BAIAP2: variants seen among roughly 807,000 people sequenced by gnomAD.
The protein encoded by BAIAP2 is BAR/IMD domain-containing adapter protein 2.
BAIAP2 carries 18 observed loss-of-function variants against 63.0 expected under a neutral mutation model. The ratio of observed to expected loss-of-function variants is 0.29; its 90% CI spans 0.20 to 0.42. The LOEUF is 0.42. Ranked by LOEUF, BAIAP2 falls within the 10% of genes least tolerant of loss-of-function variation. The pLI is 1.00. For synonymous variants in BAIAP2, 386 were observed against 307.6 expected (o/e 1.25, Z -2.67); for missense variants, 610 against 734.3 (o/e 0.83, Z 1.96).
chr17:81,111,469 G>A (rs931087931), intron 13 of BAIAP2, among the ~76,000 whole-genome samples: 7 of 152,210 alleles, frequency 4.6e-5, no homozygotes, highest in East Asian at 1.9e-4. Flanking sequence ...ACTGGGGACC[G>A]GGCTGTGCTG....
At chr17:81,044,560 G>A (rs553430805) in intron 1 of BAIAP2, among the ~76,000 whole-genome samples, 43 of 152,306 alleles carry the variant, frequency 2.8e-4, no homozygotes, top group African/African-American at 7.5e-4. Flanking sequence ...GCGCGATGCC[G>A]GGGCTTAGAA....
At chr17:81,102,906 C>T (rs1183727541) in intron 7 of BAIAP2, among the ~76,000 whole-genome samples, 2 of 152,238 alleles carry the variant, frequency 1.3e-5, no homozygotes, top group African/African-American at 2.4e-5. Context: ...CAGGCCCGGC[C>T]GGCTCCCAGT....
rs1568140670 is a variant in BAIAP2, at chr17:81,086,556, G to A, written c.465G>A (p.Gln155=). ...AGAGCCAGGGCAGCAAGAATCCTCA[G>A]AAGTACTCGGACAAGGAGCTGCAGG... ...RKKSQGSKNP[Q]KYSDKELQYI... Residue 155 remains glutamine (Q), a synonymous_variant, in exon 6 of 14, where the codon CAG becomes CAA. Coordinates refer to ENST00000428708, the MANE Select transcript of BAIAP2 (RefSeq NM_001144888.2). 1 of 1,613,626 alleles carries A rather than the reference G, an allele frequency of 6.2e-7. No individual in the cohort carries two copies. The highest frequency in any genetic ancestry group is 8.5e-7 in the Non-Finnish European group (1 of 1,180,008).
rs145033094 is a variant in BAIAP2, at chr17:81,110,915, G to A, written c.1535+2406G>A. 147 of 1,613,838 alleles carry A rather than the reference G, an allele frequency of 9.1e-5. No homozygotes were observed. In the African/African-American group the frequency reaches 1.3e-3, roughly 14 times the overall value. ...ACTGAGCCTTGTGTTTCCTTGCAGC[G>A]CCGATGTGGAAGTGGCCAGATTCTG... On this transcript the variant is annotated intron_variant, in intron 13 of 13. Coordinates refer to ENST00000428708, the MANE Select transcript of BAIAP2 (RefSeq NM_001144888.2).
rs1450418017 is a variant in BAIAP2 at position 81,115,869 on chromosome 17, TGGC to T, written c.*31_*33del. Reference sequence around the variant, plus strand: ...CACATCTGCAGTGCTGCCCATCTGGTGGCTTCCCCCGCCCTTCCCATGTAGCCT... The same window carrying T: ...CACATCTGCAGTGCTGCCCATCTGGTTTCCCCCGCCCTTCCCATGTAGCCT... On this transcript the variant is annotated 3_prime_UTR_variant, in exon 14 of 14. Coordinates refer to ENST00000428708, the MANE Select transcript of BAIAP2 (RefSeq NM_001144888.2). The T allele has an allele frequency of 6.2e-7, 1 of 1,612,196 alleles. No individual in the cohort carries two copies. The highest frequency in any genetic ancestry group is 8.5e-7 in the Non-Finnish European group (1 of 1,179,556).
chr17:81,040,824 C>G (rs2046976101), intron 1 of BAIAP2, among the ~76,000 whole-genome samples: 2 of 152,198 alleles, frequency 1.3e-5, no homozygotes, highest in Admixed American at 6.5e-5. Context: ...CTGGCCTAGG[C>G]AGGCTGAGGG....
intron 3 of BAIAP2, chr17:81,076,400 A>C (rs1423268704): frequency 6.6e-6 from 1 of 152,132 alleles, no homozygotes; most frequent in Non-Finnish European, 1.5e-5. Flanking sequence ...GACCTCCCAA[A>C]AGGTCAAGGG....
At chr17:81,049,321 A>G (rs963904837) in intron 1 of BAIAP2, among the ~76,000 whole-genome samples, 1 of 152,116 alleles carries the variant, frequency 6.6e-6, no homozygotes, top group African/African-American at 2.4e-5. Flanking sequence ...GGTCTTGAGG[A>G]TGGCACAGCG....
At chr17:81,101,431 G>A (rs1435761753) in intron 7 of BAIAP2, among the ~76,000 whole-genome samples, 1 of 152,286 alleles carries the variant, frequency 6.6e-6, no homozygotes, top group East Asian at 1.9e-4. Context: ...CATAGTCCAT[G>A]GGTAGGAGTT....
Position 81,106,234 on chromosome 17 carries a change from G to A in BAIAP2, c.1337+88G>A, listed in dbSNP as rs755708858. 2.9e-6 allele frequency: 4 copies of A among 1,383,598 alleles called. No homozygotes were observed. The East Asian group carries it at 1.0e-4, about 35-fold the overall frequency. The allele number at this position is 1,383,598 out of a possible 1,614,324, so 85.7% of individuals were successfully genotyped here. On this transcript the variant is annotated intron_variant, in intron 11 of 13. Coordinates refer to ENST00000428708, the MANE Select transcript of BAIAP2 (RefSeq NM_001144888.2). ...CAGGTCCCTGGGCTTGGATTGCTCG[G>A]CTGGGCTTCCGGCTCCTTGTCTGCT...
At chr17:81,060,186 G>A (rs181378287) in intron 3 of BAIAP2, among the ~76,000 whole-genome samples, 5 of 152,300 alleles carry the variant, frequency 3.3e-5, no homozygotes, top group African/African-American at 1.2e-4. Flanking sequence ...TTGATTGACA[G>A]AATTCACATG....
chr17:81,093,505 G>A (rs1243256088), intron 6 of BAIAP2, among the ~76,000 whole-genome samples: 3 of 152,242 alleles, frequency 2.0e-5, no homozygotes, highest in Admixed American at 6.5e-5. Context: ...CTGGCCGGTC[G>A]TGAGTGAGGA....
intron 3 of BAIAP2, among the ~76,000 whole-genome samples, chr17:81,064,418 C>T (rs917611213): frequency 2.0e-5 from 3 of 152,216 alleles, no homozygotes; most frequent in African/African-American, 7.2e-5. Flanking sequence ...CCCCCTTTCC[C>T]TGCAGAGCCC....
At chr17:81,058,927 G>A (rs928735262) in intron 3 of BAIAP2, among the ~76,000 whole-genome samples, 2 of 152,166 alleles carry the variant, frequency 1.3e-5, no homozygotes, top group African/African-American at 2.4e-5. Context: ...GGGCTGGGGG[G>A]TCGTGGGTTG....
chr17:81,052,532 C>T (rs559413876), intron 1 of BAIAP2, among the ~76,000 whole-genome samples: 1 of 152,346 alleles, frequency 6.6e-6, no homozygotes, highest in East Asian at 1.9e-4. Context: ...TGAGCCCCGG[C>T]GTAGTGCAGA....
At position 81,039,204 on chromosome 17, in the gene BAIAP2, C is replaced by T. The variant is rs900283338; in HGVS notation, c.54+3896C>T. Among the ~76,000 whole-genome samples the T allele has an allele frequency of 2.0e-5, 3 of 152,350 alleles. No individual in the cohort carries two copies. In the South Asian group the frequency reaches 6.2e-4, roughly 32 times the overall value. ...CCCAGGAGCAGTGCTGATGTGGTCC[C>T]CTTGGTGGGGTGGCCAGGGCACAAA... is the stretch of plus-strand genomic sequence containing the variant. On this transcript the variant is annotated intron_variant, in intron 1 of 13. Coordinates refer to ENST00000428708, the MANE Select transcript of BAIAP2 (RefSeq NM_001144888.2).
intron 13 of BAIAP2, chr17:81,111,031 C>T (rs774364312): frequency 6.3e-7 from 1 of 1,582,692 alleles, no homozygotes; most frequent in Non-Finnish European, 8.7e-7. Context: ...TGGCCTCAGT[C>T]ACGCAGCCTG....
At chr17:81,083,477 C>T (rs1487096638) in intron 3 of BAIAP2, 1 of 152,206 alleles carries the variant, frequency 6.6e-6, no homozygotes, top group Non-Finnish European at 1.5e-5. Context: ...GGGGCCGGAC[C>T]ACCCAGTTCC....
intron 6 of BAIAP2, chr17:81,087,548 C>G (rs1323820983): frequency 1.3e-5 from 2 of 152,310 alleles, no homozygotes; most frequent in Admixed American, 1.3e-4. Flanking sequence ...CCACACCCTG[C>G]AGACCAAGCC....
Sources: gnomAD v4.1 joint callset for allele counts (sites outside exome capture counted in the v4.1 genomes callset) on GRCh38, gnomAD v4.1.1 for gene constraint, MANE v1.5 for transcripts, NCBI Gene and HGNC (gene_info 2026-07-23, HGNC 2026-07-21) for gene names.